The following COL11A1 variants were observed in gnomAD, a reference collection of about 807,000 sequenced individuals.
COL11A1 encodes collagen alpha-1(XI) chain.
A neutral mutation model predicts 265.2 loss-of-function variants in COL11A1; 74 were observed. That is an observed-to-expected ratio of 0.28 (90% CI 0.23 to 0.34). The LOEUF (loss-of-function observed/expected upper bound fraction) is 0.34, where lower values mean the gene tolerates loss of function less well. Ranked by LOEUF, COL11A1 falls within the 10% of genes least tolerant of loss-of-function variation. COL11A1 has a pLI of 1.00. For missense variants in COL11A1, 2,165 were observed against 2,263.6 expected (o/e 0.96, Z 0.88); for synonymous variants, 816 against 727.6 (o/e 1.12, Z -1.96).
chr1:103,052,702 T>C (rs1388808123), intron 4 of COL11A1, among the ~76,000 whole-genome samples: 5 of 152,186 alleles, frequency 3.3e-5, no homozygotes, highest in African/African-American at 1.2e-4. Context: ...TTCCCAACCC[T>C]TTATTCTCCC....
Position 103,070,629 on chromosome 1 carries a change from G to A in COL11A1, c.651+3989C>T, listed in dbSNP as rs2102259065. 1.3e-5 allele frequency among the ~76,000 whole-genome samples: 2 copies of A among 151,780 alleles called. 1 individual carries two copies. Among genetic ancestry groups the A allele is most frequent in the South Asian group, 4.2e-4 (2 of 4,818 alleles). Reference sequence around the variant, plus strand: ...TGTTTATTTTCTTGATTATGATGATGGTTTCACAGCTGTATACATAAGTCA... The same window carrying A: ...TGTTTATTTTCTTGATTATGATGATAGTTTCACAGCTGTATACATAAGTCA... On this transcript the variant is annotated intron_variant, in intron 4 of 66. Coordinates refer to ENST00000370096, the MANE Select transcript of COL11A1 (RefSeq NM_001854.4).
intron 4 of COL11A1, among the ~76,000 whole-genome samples, chr1:103,051,745 C>T (rs1314090319): frequency 6.6e-6 from 1 of 152,130 alleles, no homozygotes; most frequent in East Asian, 1.9e-4. Flanking sequence ...CATCTTGGCT[C>T]CTCCCTATAT....
intron 40 of COL11A1, 50 bp downstream of exon 40, chr1:102,962,126 T>C (rs1338726591): frequency 1.4e-6 from 2 of 1,453,396 alleles, no homozygotes; most frequent in African/African-American, 1.4e-5. Context: ...AAAATGCTTC[T>C]AATAAACAAT....
In COL11A1 at chr1:102,970,070, G is replaced by A. The variant is rs2061710; in HGVS notation, c.2862+149C>T. 0.9 allele frequency: 385,371 copies of A among 426,660 alleles called. 173,281 individuals carry two copies. The highest frequency in any genetic ancestry group is 0.96 in the South Asian group (23,894 of 24,804). The allele number at this position is 426,660 out of a possible 1,614,324, so 26.4% of individuals were successfully genotyped here. A position where few individuals can be genotyped will look rare whatever the true frequency, so the allele number is the denominator to read the frequency against. ...TCTATTTTTGTATTTATATATATAT[G>A]TATATTTCAATAAAAGGCTTAATGG... On this transcript the variant is annotated intron_variant, in intron 37 of 66. Coordinates refer to ENST00000370096, the MANE Select transcript of COL11A1 (RefSeq NM_001854.4).
At chr1:102,938,392 TA>T (rs5776666) in intron 44 of COL11A1, among the ~76,000 whole-genome samples, 106,490 of 151,178 alleles carry the variant, frequency 0.7, 37,899 homozygotes, top group East Asian at 0.88. Context: ...AAAAAAAAAT[TA>T]AAAAAAAAGA....
At chr1:102,991,443 G>A (rs1664120068) in intron 28 of COL11A1, among the ~76,000 whole-genome samples, 1 of 151,258 alleles carries the variant, frequency 6.6e-6, no homozygotes, top group African/African-American at 2.4e-5. Flanking sequence ...CCTTCACCAC[G>A]TGATCTAGCC....
chr1:103,083,268 G>A (rs1672580361), intron 1 of COL11A1, among the ~76,000 whole-genome samples: 1 of 126,006 alleles, frequency 7.9e-6, no homozygotes, highest in South Asian at 2.2e-4. Flanking sequence ...GTGTGTGTGC[G>A]TGTGTGTGTA....
chr1:102,886,691 T>G (rs1651022992), intron 63 of COL11A1, 116 bp downstream of exon 63: 1 of 1,391,292 alleles, frequency 7.2e-7, no homozygotes, highest in Non-Finnish European at 1.0e-6. Context: ...AATTAATAAC[T>G]GTTTCATTTT....
chr1:103,092,280 T>C (rs1673384856), intron 1 of COL11A1, among the ~76,000 whole-genome samples: 1 of 152,074 alleles, frequency 6.6e-6, no homozygotes, highest in African/African-American at 2.4e-5. Context: ...TTTTTGGAGA[T>C]TTGTGACAAT....
chr1:103,039,695 A>G (rs1254097651), intron 4 of COL11A1, among the ~76,000 whole-genome samples: 1 of 152,156 alleles, frequency 6.6e-6, no homozygotes, highest in Non-Finnish European at 1.5e-5. Flanking sequence ...GGCTGTGGCA[A>G]TTTATTATGG....
At chr1:102,904,723 C>G (rs1323008763) in intron 54 of COL11A1, among the ~76,000 whole-genome samples, 5 of 152,012 alleles carry the variant, frequency 3.3e-5, no homozygotes, top group Non-Finnish European at 5.9e-5. Flanking sequence ...AGTCAGGAAA[C>G]AACAGGTGCT....
chr1:103,047,014 T>G (rs983899148), intron 4 of COL11A1, among the ~76,000 whole-genome samples: 1 of 152,164 alleles, frequency 6.6e-6, no homozygotes, highest in Non-Finnish European at 1.5e-5. Context: ...TGTAGCCTTG[T>G]AGTATAGTTT....
chr1:102,912,264 C>T (rs1654778087), intron 53 of COL11A1, 52 bp from the exon 54 acceptor site: 2 of 1,468,966 alleles, frequency 1.4e-6, no homozygotes, highest in South Asian at 1.3e-5. Flanking sequence ...ATTTTGTGGC[C>T]CACATAAATT....
intron 36 of COL11A1, among the ~76,000 whole-genome samples, chr1:102,973,833 A>G (rs927660028): frequency 6.6e-6 from 1 of 152,240 alleles, no homozygotes; most frequent in African/African-American, 2.4e-5. Context: ...TCTAAAAATT[A>G]TTGTAAAAAG....
intron 37 of COL11A1, among the ~76,000 whole-genome samples, chr1:102,969,902 G>C (rs1349130281): frequency 6.6e-6 from 1 of 152,038 alleles, no homozygotes; most frequent in East Asian, 1.9e-4. Flanking sequence ...AGTCTTCAGT[G>C]AAAAGAGTGA....
At chr1:102,916,662 T>C (rs1484125741) in intron 49 of COL11A1, among the ~76,000 whole-genome samples, 1 of 152,052 alleles carries the variant, frequency 6.6e-6, no homozygotes, top group Non-Finnish European at 1.5e-5. Context: ...ACATAGTTTC[T>C]TACTGTGAGA....
At chr1:102,940,884 T>C (rs1240546095) in intron 42 of COL11A1, among the ~76,000 whole-genome samples, 5 of 152,214 alleles carry the variant, frequency 3.3e-5, no homozygotes, top group Non-Finnish European at 5.9e-5. Flanking sequence ...TTTAAGTGTT[T>C]GTTTTGGTTC....
At chr1:103,042,301 A>ACC (rs1668875341) in intron 4 of COL11A1, among the ~76,000 whole-genome samples, 1 of 152,136 alleles carries the variant, frequency 6.6e-6, no homozygotes, top group Non-Finnish European at 1.5e-5. Context: ...ACTACCTGCT[A>ACC]TATTCCAATT....
At chr1:103,070,118 G>T (rs977185812) in intron 4 of COL11A1, among the ~76,000 whole-genome samples, 1 of 151,184 alleles carries the variant, frequency 6.6e-6, no homozygotes, top group Non-Finnish European at 1.5e-5. Flanking sequence ...CTTTATAGAT[G>T]CCATAACCTG....
Sources: allele counts gnomAD v4.1 joint callset (sites outside exome capture counted in the v4.1 genomes callset), GRCh38; gene constraint gnomAD v4.1.1; transcripts MANE v1.5; gene names NCBI Gene and HGNC (gene_info 2026-07-23, HGNC 2026-07-21).